Variants in BTBD7 observed in about 807,000 individuals in gnomAD.
BTBD7 encodes BTB domain containing 7, also known as BTB/POZ domain-containing protein 7.
In BTBD7, 38 loss-of-function variants were observed where a neutral mutation model predicts 99.9. The ratio of observed to expected loss-of-function variants is 0.38; its 90% CI spans 0.29 to 0.50. The LOEUF (loss-of-function observed/expected upper bound fraction) is 0.50, where lower values mean the gene tolerates loss of function less well. Ranked by LOEUF, BTBD7 falls within the 20% of genes least tolerant of loss-of-function variation. The pLI is 0.93. For synonymous variants in BTBD7, 520 were observed against 511.4 expected (o/e 1.02, Z -0.23); for missense variants, 1,170 against 1,394.6 (o/e 0.84, Z 2.57).
At chr14:93,266,135 T>G (rs536575340) in intron 3 of BTBD7, among the ~76,000 whole-genome samples, 1 of 152,168 alleles carries the variant, frequency 6.6e-6, no homozygotes, top group South Asian at 2.1e-4. Flanking sequence ...AGATGATGGT[T>G]GGCTTAACTG....
At chr14:93,332,713 C>T (rs1286557611) in intron 1 of BTBD7, 107 bp downstream of exon 1, 15 of 1,334,672 alleles carry the variant, frequency 1.1e-5, no homozygotes, top group Non-Finnish European at 1.4e-5. Context: ...TGGCCCCAGC[C>T]CCGGCGCCCC....
Position 93,332,934 on chromosome 14 carries a change from TC to T in BTBD7, c.-222del. ...GCGCCAGCACCCCCGGCCATCCTCC[TC>T]CCACCGCCGCCGCCGCCGCCCTCTC... On this transcript the variant is annotated 5_prime_UTR_variant, in exon 1 of 11. Transcript: ENST00000334746. The T allele has an allele frequency of 1.0e-6, 1 of 961,628 alleles. No homozygotes were observed. 59.6% of individuals were successfully genotyped at this position (961,628 alleles called of 1,614,324 possible).
chr14:93,276,137 G>C (rs1326938084), intron 3 of BTBD7, among the ~76,000 whole-genome samples: 1 of 152,180 alleles, frequency 6.6e-6, no homozygotes, highest in Non-Finnish European at 1.5e-5. Context: ...AATTGATTGA[G>C]CTTGGGAGGT....
At chr14:93,278,152 C>T (rs2052677254) in intron 3 of BTBD7, among the ~76,000 whole-genome samples, 4 of 152,304 alleles carry the variant, frequency 2.6e-5, no homozygotes, top group Admixed American at 2.0e-4. Flanking sequence ...GTGGCTCACG[C>T]CTCTAATCCC....
At chr14:93,313,421 T>G (rs1719203935) in intron 1 of BTBD7, among the ~76,000 whole-genome samples, 1 of 152,232 alleles carries the variant, frequency 6.6e-6, no homozygotes, top group Admixed American at 6.5e-5. Context: ...TATTAAGCCA[T>G]GTGGTTTTTT....
intron 1 of BTBD7, among the ~76,000 whole-genome samples, chr14:93,308,120 C>T (rs955519473): frequency 6.6e-6 from 1 of 151,810 alleles, no homozygotes; most frequent in Non-Finnish European, 1.5e-5. Flanking sequence ...CAGTGAAACC[C>T]CGTCTCTACT....
At chr14:93,277,363 A>T (rs948382431) in intron 3 of BTBD7, among the ~76,000 whole-genome samples, 3 of 152,208 alleles carry the variant, frequency 2.0e-5, no homozygotes, top group Non-Finnish European at 4.4e-5. Context: ...TGGGGATGTC[A>T]GTTCTCTGCA....
chr14:93,262,068 T>A (rs1297439016), intron 4 of BTBD7, among the ~76,000 whole-genome samples: 1 of 151,572 alleles, frequency 6.6e-6, no homozygotes, highest in Non-Finnish European at 1.5e-5. Context: ...TGGGCTCAAG[T>A]GATTCTCCCC....
At chr14:93,324,690 G>A (rs913485722) in intron 1 of BTBD7, among the ~76,000 whole-genome samples, 8 of 152,168 alleles carry the variant, frequency 5.3e-5, no homozygotes, top group African/African-American at 1.9e-4. Context: ...AGAGAGGAAA[G>A]AATCTTCTCC....
intron 2 of BTBD7, among the ~76,000 whole-genome samples, 176 bp downstream of exon 2, chr14:93,295,794 G>A (rs10143903): frequency 1.3e-5 from 2 of 152,136 alleles, no homozygotes; most frequent in Non-Finnish European, 2.9e-5. Flanking sequence ...AGTGGTTTAA[G>A]ATAAAAACCA....
intron 3 of BTBD7, among the ~76,000 whole-genome samples, chr14:93,283,102 T>C (rs2052739617): frequency 6.6e-6 from 1 of 152,156 alleles, no homozygotes; most frequent in Non-Finnish European, 1.5e-5. Context: ...TTTTGAGACA[T>C]GGTCTGGCTC....
At chr14:93,284,304 A>C (rs2052753837) in intron 3 of BTBD7, among the ~76,000 whole-genome samples, 1 of 152,206 alleles carries the variant, frequency 6.6e-6, no homozygotes, top group Admixed American at 6.5e-5. Context: ...CTGTGAATTA[A>C]ATGGTAGAGA....
chr14:93,323,290 T>C (rs2053290722), intron 1 of BTBD7, among the ~76,000 whole-genome samples: 2 of 152,218 alleles, frequency 1.3e-5, no homozygotes, highest in Admixed American at 1.3e-4. Context: ...TAATGTTTAA[T>C]TTATTTGACC....
chr14:93,245,007 G>A (rs981812722), intron 10 of BTBD7, among the ~76,000 whole-genome samples: 9 of 151,642 alleles, frequency 5.9e-5, no homozygotes, highest in African/African-American at 9.7e-5. Flanking sequence ...CTACAGGCAC[G>A]TGCTACCACA....
intron 4 of BTBD7, among the ~76,000 whole-genome samples, chr14:93,263,384 A>G (rs1187148945): frequency 2.6e-5 from 4 of 152,248 alleles, no homozygotes; most frequent in Non-Finnish European, 4.4e-5. Context: ...CAGAAATTGA[A>G]TATTATTTTT....
chr14:93,253,920 A>G (rs1289075589), intron 6 of BTBD7, 130 bp from the exon 7 acceptor site: 12 of 506,136 alleles, frequency 2.4e-5, no homozygotes, highest in African/African-American at 4.0e-5. Flanking sequence ...TTAGAAATGT[A>G]TATGAAATTT....
intron 3 of BTBD7, among the ~76,000 whole-genome samples, chr14:93,283,694 G>A (rs890957537): frequency 1.3e-5 from 2 of 152,136 alleles, no homozygotes; most frequent in Non-Finnish European, 2.9e-5. Flanking sequence ...TGGGATTACA[G>A]GTGTGCGCCA....
chr14:93,307,977 T>C (rs1324618116), intron 1 of BTBD7, among the ~76,000 whole-genome samples: 1 of 152,148 alleles, frequency 6.6e-6, no homozygotes, highest in Non-Finnish European at 1.5e-5. Context: ...TCCTTCACAG[T>C]CTAAGCCTCT....
At position 93,240,357 on chromosome 14, in the gene BTBD7, G is replaced by A. The variant is rs752155034; in HGVS notation, c.*1916C>T. 7 of 152,632 alleles carry A rather than the reference G, an allele frequency of 4.6e-5. No homozygotes were observed. Among genetic ancestry groups the A allele is most frequent in the Non-Finnish European group, 8.8e-5 (6 of 68,046 alleles). The allele number at this position is 152,632 out of a possible 1,614,324, so 9.5% of individuals were successfully genotyped here. A position where few individuals can be genotyped will look rare whatever the true frequency, so the allele number is the denominator to read the frequency against. On this transcript the variant is annotated 3_prime_UTR_variant, in exon 11 of 11. Coordinates refer to ENST00000334746, the MANE Select transcript of BTBD7 (RefSeq NM_001002860.4). ...TTCTAAAATGTCAGATTATTCCTGA[G>A]TGTATATCCACAGGGTAAAGGAGGA...
Sources: allele counts gnomAD v4.1 joint callset (sites outside exome capture counted in the v4.1 genomes callset), GRCh38; gene constraint gnomAD v4.1.1; transcripts MANE v1.5; gene names NCBI Gene and HGNC (gene_info 2026-07-23, HGNC 2026-07-21).